Variants in MMP15 observed in about 807,000 individuals in gnomAD.
The protein encoded by MMP15 is matrix metalloproteinase-15.
Under a neutral mutation model 65.0 loss-of-function variants are expected in MMP15, and 36 were observed. The observed-to-expected ratio is 0.55, with a 90% CI of 0.42 to 0.73. MMP15 has a LOEUF of 0.73. Among genes scored for constraint, MMP15 ranks in the 30% least tolerant of loss-of-function variants. The pLI is 0.00. For synonymous variants in MMP15, 428 were observed against 410.2 expected, an observed-to-expected ratio of 1.04 and a Z score of -0.52; for missense variants, 870 against 987.8, an observed-to-expected ratio of 0.88 and a Z score of 1.60.
chr16:58,028,438 A>G (rs1963854316), intron 1 of MMP15, among the ~76,000 whole-genome samples: 1 of 152,196 alleles, frequency 6.6e-6, no homozygotes, highest in Non-Finnish European at 1.5e-5. Flanking sequence ...GGAGTGTCCC[A>G]GCTCCTACAG....
chr16:58,027,293 G>A (rs1963836042), intron 1 of MMP15, among the ~76,000 whole-genome samples: 1 of 152,216 alleles, frequency 6.6e-6, no homozygotes, highest in Admixed American at 6.5e-5. Flanking sequence ...GATGGGTCCC[G>A]CGGGTGACCA....
At position 58,026,223 on chromosome 16, in the gene MMP15, G is replaced by T; in HGVS notation, c.-128G>T. On this transcript the variant is annotated 5_prime_UTR_variant, in exon 1 of 10. Transcript: ENST00000219271. ...TTGCCGAGGCGACCTAGGCGGCTCC[G>T]GCGGGGACCGGGAGCCCGAGGTCCG... 1 of 1,082,258 alleles carries T rather than the reference G, an allele frequency of 9.2e-7. No individual in the cohort carries two copies. The highest frequency in any genetic ancestry group is 1.2e-6 in the Non-Finnish European group (1 of 851,054). The allele number at this position is 1,082,258 out of a possible 1,614,324, so 67.0% of individuals were successfully genotyped here. A position where few individuals can be genotyped will look rare whatever the true frequency, so the allele number is the denominator to read the frequency against.
intron 4 of MMP15, 95 bp downstream of exon 4, chr16:58,040,277 G>A (rs1185733011): frequency 8.4e-6 from 11 of 1,314,464 alleles, no homozygotes; most frequent in Non-Finnish European, 1.1e-5. Flanking sequence ...GCGGGGCTGG[G>A]AGGAGAGAGT....
rs1208679529 is a variant in MMP15 at position 58,046,823 on chromosome 16, GC to G, written c.*1378del. 6.5e-6 allele frequency: 1 copy of G among 152,696 alleles called. No individual in the cohort carries two copies. Among genetic ancestry groups the G allele is most frequent in the Non-Finnish European group, 1.5e-5 (1 of 68,066 alleles). The allele number at this position is 152,696 out of a possible 1,614,324, so 9.5% of individuals were successfully genotyped here. ...ACCGGAGAGCCAGCTAAGGGGTGGGGCTGCGGGGGTTCCGTGTCCACCCCCA... is the reference window on the plus strand; with the variant it reads ...ACCGGAGAGCCAGCTAAGGGGTGGGGTGCGGGGGTTCCGTGTCCACCCCCA... On this transcript the variant is annotated 3_prime_UTR_variant, in exon 10 of 10. Coordinates refer to ENST00000219271, the MANE Select transcript of MMP15 (RefSeq NM_002428.4).
rs1959550054 is a variant in MMP15 at position 58,045,554 on chromosome 16, C to G, written c.*108C>G. On this transcript the variant is annotated 3_prime_UTR_variant, in exon 10 of 10. Coordinates refer to ENST00000219271, the MANE Select transcript of MMP15 (RefSeq NM_002428.4). ...AGGGGCCCCTCTCAGCCCTCACACA[C>G]CCTGTCTGCCCCGCCCTCATTATTT... 3 of 826,302 alleles carry G rather than the reference C, an allele frequency of 3.6e-6. No individual in the cohort carries two copies. Among genetic ancestry groups the G allele is most frequent in the African/African-American group, 3.5e-5 (2 of 57,968 alleles). The allele number at this position is 826,302 out of a possible 1,614,324, so 51.2% of individuals were successfully genotyped here. A position where few individuals can be genotyped will look rare whatever the true frequency, so the allele number is the denominator to read the frequency against.
At chr16:58,044,247 A>G (rs1015384919) in intron 9 of MMP15, among the ~76,000 whole-genome samples, 3 of 152,170 alleles carry the variant, frequency 2.0e-5, no homozygotes, top group South Asian at 2.1e-4. Context: ...GGAGTTCGAG[A>G]CCAGCCTGAA....
rs1421876473 is a variant in MMP15 at position 58,039,995 on chromosome 16, C to G, written c.561C>G (p.Ile187Met). The G allele has an allele frequency of 2.5e-6, 4 of 1,614,052 alleles. No homozygotes were observed. The highest frequency in any genetic ancestry group is 3.4e-6 in the Non-Finnish European group (4 of 1,180,056). ...LVFQEVPYED[I>M]RLRRQKEADI... Reference sequence around the variant, plus strand: ...TCCAGGAGGTGCCCTATGAGGACATCCGGCTGCGGCGACAGAAGGAGGCCG... The same window carrying G: ...TCCAGGAGGTGCCCTATGAGGACATGCGGCTGCGGCGACAGAAGGAGGCCG... The change falls in exon 4 of 10, where the codon ATC becomes ATG. Residue 187 changes from isoleucine (I) to methionine (M), a missense_variant. Transcript: ENST00000219271.
chr16:58,029,685 A>T (rs1963869902), intron 1 of MMP15, among the ~76,000 whole-genome samples: 1 of 152,176 alleles, frequency 6.6e-6, no homozygotes, highest in African/African-American at 2.4e-5. Context: ...TGAGCAGTGT[A>T]TTGGCCTGAC....
chr16:58,034,180 A>C (rs1959286584), intron 1 of MMP15, among the ~76,000 whole-genome samples: 1 of 152,240 alleles, frequency 6.6e-6, no homozygotes, highest in African/African-American at 2.4e-5. Context: ...ACAGGAAGAG[A>C]TTCCTTGTAT....
chr16:58,042,421 G>A, intron 7 of MMP15, 52 bp downstream of exon 7: 1 of 1,596,384 alleles, frequency 6.3e-7, no homozygotes, highest in East Asian at 2.2e-5. Context: ...CATGACCTCT[G>A]ACCCTGCTGG....
At chr16:58,037,321 G>C in intron 1 of MMP15, 151 bp from the exon 2 acceptor site, 1 of 939,290 alleles carries the variant, frequency 1.1e-6, no homozygotes. Flanking sequence ...GGAGGAGGGT[G>C]CTGAGGCTCA....
chr16:58,026,634 C>T (rs1002654081), intron 1 of MMP15, 122 bp downstream of exon 1: 4 of 1,119,448 alleles, frequency 3.6e-6, no homozygotes, highest in Admixed American at 4.2e-5. Flanking sequence ...TGGGCCGTGG[C>T]GGGGAAGCAA....
At chr16:58,040,470 G>A (rs898822722) in intron 4 of MMP15, 67 bp from the exon 5 acceptor site, 9 of 1,560,862 alleles carry the variant, frequency 5.8e-6, no homozygotes, top group African/African-American at 1.3e-5. Context: ...AGCCTGGAGG[G>A]TCCAGGGTGA....
intron 1 of MMP15, among the ~76,000 whole-genome samples, chr16:58,034,629 GC>G (rs1959294211): frequency 6.6e-6 from 1 of 152,254 alleles, no homozygotes; most frequent in East Asian, 1.9e-4. Context: ...CCGTGTTTCT[GC>G]CTACCACCCC....
rs1300225454 is a variant in MMP15, at chr16:58,040,532, A to T, written c.749-5A>T. The stretch of plus-strand genomic sequence containing the variant: ...ACTGTGCTGCCCTCCTTCTCTCCCC[A>T]AAAGGAAACAACCTCTTCCTGGTGG... On this transcript the variant is annotated splice_region_variant and splice_polypyrimidine_tract_variant and intron_variant, in intron 4 of 9. Transcript: ENST00000219271. The T allele has an allele frequency of 6.2e-7, 1 of 1,611,696 alleles. No homozygotes were observed. Among genetic ancestry groups the T allele is most frequent in the Non-Finnish European group, 8.5e-7 (1 of 1,179,834 alleles).
chr16:58,031,500 G>A (rs1019087921), intron 1 of MMP15, among the ~76,000 whole-genome samples: 2 of 152,108 alleles, frequency 1.3e-5, no homozygotes, highest in Admixed American at 6.5e-5. Flanking sequence ...ACCCAAGGCC[G>A]GGCCCCCAGC....
At chr16:58,033,347 G>C (rs1446867833) in intron 1 of MMP15, among the ~76,000 whole-genome samples, 7 of 152,236 alleles carry the variant, frequency 4.6e-5, no homozygotes, top group African/African-American at 1.7e-4. Context: ...TCAGCTCTGG[G>C]ACCCTGGGTG....
chr16:58,045,397 C>T lies in MMP15; in HGVS notation c.1961C>T (p.Ala654Val), dbSNP rs145052293. 2.3e-5 allele frequency: 36 copies of T among 1,576,058 alleles called. No individual in the cohort carries two copies. Among genetic ancestry groups the T allele is most frequent in the African/African-American group, 4.0e-5 (3 of 74,614 alleles). The change falls in exon 10 of 10, where the codon GCG becomes GTG. Residue 654 changes from alanine to valine, a missense_variant. By Grantham distance (64) the Ala-to-Val change is moderately conservative. Transcript: ENST00000219271. Reference sequence around the variant, plus strand: ...CTGGTGCAGATGCAGCGCAAGGGTGCGCCACGTGTCCTGCTTTACTGCAAG... The same window carrying T: ...CTGGTGCAGATGCAGCGCAAGGGTGTGCCACGTGTCCTGCTTTACTGCAAG... ...YALVQMQRKG[A>V]PRVLLYCKRS...
At chr16:58,028,374 G>A (rs552576781) in intron 1 of MMP15, among the ~76,000 whole-genome samples, 1 of 152,330 alleles carries the variant, frequency 6.6e-6, no homozygotes, top group South Asian at 2.1e-4. Flanking sequence ...ACCCCGGAAG[G>A]TTTAAGGAGC....
Sources: gnomAD v4.1 joint callset for allele counts (sites outside exome capture counted in the v4.1 genomes callset) on GRCh38, gnomAD v4.1.1 for gene constraint, MANE v1.5 for transcripts, NCBI Gene and HGNC (gene_info 2026-07-23, HGNC 2026-07-21) for gene names.